Variants in DLG2 observed in about 807,000 individuals in gnomAD.
DLG2 encodes disks large homolog 2.
In DLG2, 45 loss-of-function variants were observed where a neutral mutation model predicts 132.5. That is an observed-to-expected ratio of 0.34 (90% CI 0.27 to 0.44). The LOEUF (loss-of-function observed/expected upper bound fraction) is 0.44. Ranked by LOEUF, DLG2 falls within the 20% of genes least tolerant of loss-of-function variation. The pLI, the probability that DLG2 is intolerant of heterozygous loss-of-function variation, is 1.00. For missense variants in DLG2, 1,045 were observed against 1,196.9 expected, an observed-to-expected ratio of 0.87 and a Z score of 1.87; for synonymous variants, 424 against 419.6, an observed-to-expected ratio of 1.01 and a Z score of -0.13.
At chr11:84,785,787 C>T (rs1421969229) in intron 6 of DLG2, among the ~76,000 whole-genome samples, 1 of 151,688 alleles carries the variant, frequency 6.6e-6, no homozygotes, top group Non-Finnish European at 1.5e-5. Flanking sequence ...TTTATTGATG[C>T]TCAGATTGCC....
intron 6 of DLG2, among the ~76,000 whole-genome samples, chr11:84,714,647 T>TTC (rs754541162): frequency 0.13 from 11,889 of 89,558 alleles, 854 homozygotes; most frequent in Middle Eastern, 0.18. Flanking sequence ...CTCTCTCTCT[T>TTC]TCTCTCTCTC....
chr11:84,381,885 G>A lies in DLG2; in HGVS notation c.520-130594C>T, dbSNP rs1445095398. On this transcript the variant is annotated intron_variant, in intron 7 of 27. Transcript: ENST00000376104. ...TTGTCTATCTGCCTCCTGTAAGGGG[G>A]AAGCATCTGCCTGAAGGCATAGGTT... is the stretch of plus-strand genomic sequence containing the variant. Among the ~76,000 whole-genome samples the A allele has an allele frequency of 2.0e-5, 3 of 152,168 alleles. 1 individual carries two copies. Among genetic ancestry groups the A allele is most frequent in the Admixed American group, 2.0e-4 (3 of 15,274 alleles).
At chr11:84,997,983 G>A (rs2057823354) in intron 6 of DLG2, among the ~76,000 whole-genome samples, 1 of 152,190 alleles carries the variant, frequency 6.6e-6, no homozygotes, top group Non-Finnish European at 1.5e-5. Context: ...GGTTGGTACA[G>A]TGAAGAGTGC....
chr11:85,148,891 T>C (rs1035487939), intron 5 of DLG2, among the ~76,000 whole-genome samples: 1 of 152,238 alleles, frequency 6.6e-6, no homozygotes. Context: ...GGGTTTACAT[T>C]TAAGTATTTA....
At position 84,278,455 on chromosome 11, in the gene DLG2, C is replaced by A. The variant is rs1364593304; in HGVS notation, c.520-27164G>T. On this transcript the variant is annotated intron_variant, in intron 7 of 27. Coordinates refer to ENST00000376104, the MANE Select transcript of DLG2 (RefSeq NM_001142699.3). ...AATTTTTCAGAGAACTCAAGAGGAA[C>A]AAATACTTTCCAGATCATTTTTTTT... 4.0e-5 allele frequency among the ~76,000 whole-genome samples: 4 copies of A among 100,826 alleles called. No individual in the cohort carries two copies. The East Asian group carries it at 8.8e-4, about 22-fold the overall frequency. The allele number at this position is 100,826 out of a possible 152,430, so 66.1% of individuals were successfully genotyped here.
intron 8 of DLG2, among the ~76,000 whole-genome samples, chr11:84,182,562 G>T (rs1168119351): frequency 6.6e-6 from 1 of 151,850 alleles, no homozygotes; most frequent in Non-Finnish European, 1.5e-5. Flanking sequence ...AAAAAGAATA[G>T]CAAATAGAAT....
chr11:84,920,293 T>G (rs1435847056), intron 6 of DLG2, among the ~76,000 whole-genome samples: 2 of 152,202 alleles, frequency 1.3e-5, no homozygotes, highest in Non-Finnish European at 2.9e-5. Flanking sequence ...CTCTGCTTCT[T>G]AGCTCCATGC....
intron 7 of DLG2, among the ~76,000 whole-genome samples, chr11:84,278,047 GTTTTTTTTTT>G (rs55650627): frequency 1.0e-5 from 1 of 99,608 alleles, no homozygotes; most frequent in African/African-American, 3.8e-5. Context: ...GCCTGGCTAA[GTTTTTTTTTT>G]TTTTTTTTTT....
At chr11:85,158,504 C>G (rs547450154) in intron 4 of DLG2, among the ~76,000 whole-genome samples, 4 of 152,024 alleles carry the variant, frequency 2.6e-5, no homozygotes, top group East Asian at 3.9e-4. Context: ...GAGGTCCAGA[C>G]GATACATTCT....
chr11:85,377,882 CACAA>C (rs1381016880), intron 3 of DLG2, among the ~76,000 whole-genome samples: 13 of 150,338 alleles, frequency 8.6e-5, no homozygotes, highest in East Asian at 7.8e-4. Context: ...TACACACACA[CACAA>C]ACACACACAC....
At chr11:83,580,076 G>C (rs541836861) in intron 19 of DLG2, among the ~76,000 whole-genome samples, 1 of 152,000 alleles carries the variant, frequency 6.6e-6, no homozygotes, top group African/African-American at 2.4e-5. Flanking sequence ...ACAATATATA[G>C]AACTTCCAAT....
intron 6 of DLG2, among the ~76,000 whole-genome samples, chr11:84,958,924 A>G (rs2052111197): frequency 6.6e-6 from 1 of 152,216 alleles, no homozygotes; most frequent in African/African-American, 2.4e-5. Flanking sequence ...TTGCCTGACA[A>G]TAAACATAGG....
chr11:85,146,164 C>G (rs1434289254), intron 5 of DLG2, among the ~76,000 whole-genome samples: 1 of 151,964 alleles, frequency 6.6e-6, no homozygotes, highest in Non-Finnish European at 1.5e-5. Flanking sequence ...GCAGCAGTCT[C>G]TGATTCTCTT....
chr11:84,339,941 C>T (rs559155942), intron 7 of DLG2, among the ~76,000 whole-genome samples: 24 of 152,222 alleles, frequency 1.6e-4, no homozygotes, highest in Middle Eastern at 3.4e-3. Flanking sequence ...CCTGGCCATA[C>T]GTCCATCTAA....
chr11:85,187,043 T>A (rs1042881773), intron 4 of DLG2, among the ~76,000 whole-genome samples: 1 of 152,068 alleles, frequency 6.6e-6, no homozygotes. Flanking sequence ...GTAGAAATAA[T>A]CAACATTTTA....
At chr11:84,643,290 T>C (rs2099670396) in intron 6 of DLG2, among the ~76,000 whole-genome samples, 1 of 152,208 alleles carries the variant, frequency 6.6e-6, no homozygotes, top group Admixed American at 6.5e-5. Flanking sequence ...TGTAACTTTC[T>C]AAAGGAAATC....
At chr11:84,584,399 G>C (rs1035675854) in intron 6 of DLG2, among the ~76,000 whole-genome samples, 8 of 151,840 alleles carry the variant, frequency 5.3e-5, no homozygotes, top group African/African-American at 1.9e-4. Context: ...ACCTGCAAGA[G>C]TTCTTCATAT....
At chr11:83,727,429 G>A (rs996729224) in intron 18 of DLG2, among the ~76,000 whole-genome samples, 1 of 152,172 alleles carries the variant, frequency 6.6e-6, no homozygotes, top group Non-Finnish European at 1.5e-5. Context: ...CAGGGGAGAG[G>A]TTTATAGGGA....
chr11:83,917,696 C>T (rs1403884131), intron 15 of DLG2, among the ~76,000 whole-genome samples: 1 of 152,186 alleles, frequency 6.6e-6, no homozygotes, highest in Non-Finnish European at 1.5e-5. Flanking sequence ...TAAATGTGAA[C>T]TCTTCCTTTG....
Sources: gnomAD v4.1 joint callset for allele counts (sites outside exome capture counted in the v4.1 genomes callset) on GRCh38, gnomAD v4.1.1 for gene constraint, MANE v1.5 for transcripts, NCBI Gene and HGNC (gene_info 2026-07-23, HGNC 2026-07-21) for gene names.